Variants in KIF21A observed in about 807,000 individuals in gnomAD.
The protein encoded by KIF21A is kinesin-like protein KIF21A.
KIF21A carries 114 observed loss-of-function variants against 202.9 expected under a neutral mutation model. The ratio of observed to expected loss-of-function variants is 0.56; its 90% CI spans 0.48 to 0.66. The LOEUF (loss-of-function observed/expected upper bound fraction) is 0.66, where lower values mean the gene tolerates loss of function less well. KIF21A is among the 30% of genes least tolerant of loss of function. KIF21A has a pLI of 0.00. For synonymous variants in KIF21A, 667 were observed against 670.8 expected (o/e 0.99, Z 0.09); for missense variants, 1,677 against 1,994.9 (o/e 0.84, Z 3.04).
At chr12:39,368,509 A>G (rs925897240) in intron 3 of KIF21A, among the ~76,000 whole-genome samples, 4 of 152,184 alleles carry the variant, frequency 2.6e-5, no homozygotes, top group Admixed American at 6.5e-5. Context: ...TTCCTGTATC[A>G]ATAGTGGCTG....
intron 1 of KIF21A, among the ~76,000 whole-genome samples, chr12:39,440,714 A>G (rs1194254316): frequency 2.0e-5 from 3 of 152,260 alleles, no homozygotes; most frequent in African/African-American, 7.2e-5. Context: ...TTCAGAGAAC[A>G]ATGTATTTAA....
chr12:39,434,690 C>G (rs1458893627), intron 1 of KIF21A, among the ~76,000 whole-genome samples: 1 of 152,072 alleles, frequency 6.6e-6, no homozygotes, highest in Non-Finnish European at 1.5e-5. Flanking sequence ...ACACAATGAA[C>G]ACTCATTAAT....
At chr12:39,392,818 T>C (rs1951467024) in intron 1 of KIF21A, among the ~76,000 whole-genome samples, 2 of 146,798 alleles carry the variant, frequency 1.4e-5, no homozygotes, top group South Asian at 4.5e-4. Context: ...AAATATGTAC[T>C]ATTAATGAGC....
At chr12:39,370,381 C>T (rs1949872489) in intron 1 of KIF21A, 120 bp from the exon 2 acceptor site, 2 of 697,704 alleles carry the variant, frequency 2.9e-6, no homozygotes, top group Non-Finnish European at 5.0e-6. Flanking sequence ...TTACCTAATG[C>T]TTATTCAGTT....
rs1566266855 is a variant in KIF21A at position 39,416,691 on chromosome 12, A to ATATATATGTACATATATATGTG, written c.44+26214_44+26235dup. 9.5e-5 allele frequency among the ~76,000 whole-genome samples: 12 copies of ATATATATGTACATATATATGTG among 125,952 alleles called. 2 individuals are homozygous for ATATATATGTACATATATATGTG. Among genetic ancestry groups the ATATATATGTACATATATATGTG allele is most frequent in the African/African-American group, 4.0e-4 (12 of 30,378 alleles). 82.6% of individuals were successfully genotyped at this position (125,952 alleles called of 152,430 possible). On this transcript the variant is annotated intron_variant, in intron 1 of 37. Transcript: ENST00000361418. ...TATATGTACATATATATGTGTGTATATATATATGTACATATATATGTGTGT... is the reference window on the plus strand; with the variant it reads ...TATATGTACATATATATGTGTGTATATATATATGTACATATATATGTGTATATATGTACATATATATGTGTGT...
chr12:39,413,203 G>T (rs1953256693), intron 1 of KIF21A, among the ~76,000 whole-genome samples: 1 of 152,088 alleles, frequency 6.6e-6, no homozygotes, highest in African/African-American at 2.4e-5. Context: ...ACTTGAGAAG[G>T]TGCCATTAAG....
At chr12:39,411,354 T>G (rs979507654) in intron 1 of KIF21A, among the ~76,000 whole-genome samples, 4 of 152,154 alleles carry the variant, frequency 2.6e-5, no homozygotes, top group Admixed American at 1.3e-4. Context: ...ACCACAGACC[T>G]AATAAATTAA....
chr12:39,394,697 T>G (rs1951605346), intron 1 of KIF21A, among the ~76,000 whole-genome samples: 3 of 152,184 alleles, frequency 2.0e-5, no homozygotes, highest in Non-Finnish European at 1.5e-5. Context: ...CTACCACTTT[T>G]TGTCAGGTGA....
intron 24 of KIF21A, among the ~76,000 whole-genome samples, chr12:39,328,531 C>G (rs1333395158): frequency 6.6e-6 from 1 of 152,158 alleles, no homozygotes; most frequent in Non-Finnish European, 1.5e-5. Flanking sequence ...TAGCAAATCT[C>G]TGATGATAGT....
intron 1 of KIF21A, among the ~76,000 whole-genome samples, chr12:39,395,567 C>T (rs1389982262): frequency 4.6e-5 from 7 of 152,054 alleles, no homozygotes; most frequent in Non-Finnish European, 8.8e-5. Flanking sequence ...TTCAGCCGGG[C>T]GCAGTGGCTG....
intron 1 of KIF21A, among the ~76,000 whole-genome samples, chr12:39,416,042 T>C (rs1011436479): frequency 9.2e-5 from 14 of 152,162 alleles, no homozygotes; most frequent in Non-Finnish European, 1.6e-4. Context: ...GTACAAATTA[T>C]TGGAATAGTG....
chr12:39,334,272 A>C (rs946230355), intron 17 of KIF21A, among the ~76,000 whole-genome samples: 3 of 151,994 alleles, frequency 2.0e-5, no homozygotes, highest in Admixed American at 6.6e-5. Context: ...CTTAGGTCTT[A>C]ATTCCAGTTC....
chr12:39,326,427 T>C (rs1945921016), intron 24 of KIF21A, 103 bp from the exon 25 acceptor site: 6 of 762,698 alleles, frequency 7.9e-6, no homozygotes, highest in Non-Finnish European at 1.4e-5. Flanking sequence ...CATCTCAATA[T>C]GGGCACGATG....
intron 9 of KIF21A, 31 bp downstream of exon 9, chr12:39,357,217 A>T (rs1948841370): frequency 6.3e-7 from 1 of 1,594,814 alleles, no homozygotes. Flanking sequence ...CCAGAAGTTA[A>T]TCCCTCACTT....
chr12:39,312,836 A>C (rs947434882), intron 31 of KIF21A: 3 of 151,934 alleles, frequency 2.0e-5, no homozygotes, highest in Non-Finnish European at 4.4e-5. Context: ...AATTAAAATA[A>C]TGGTGTTGGG....
chr12:39,412,249 T>C (rs1555196193), intron 1 of KIF21A, among the ~76,000 whole-genome samples: 1 of 152,220 alleles, frequency 6.6e-6, no homozygotes, highest in Non-Finnish European at 1.5e-5. Flanking sequence ...TAGACACTTG[T>C]AAAATCCAAG....
rs1946617318 is a variant in KIF21A, at chr12:39,332,714, G to C, written c.2733C>G (p.Gly911=). The C allele has an allele frequency of 1.2e-6, 2 of 1,613,846 alleles. No individual in the cohort carries two copies. Among genetic ancestry groups the C allele is most frequent in the African/African-American group, 2.7e-5 (2 of 74,830 alleles). Residue 911 remains glycine (G), a synonymous_variant, in exon 20 of 38, where the codon GGC becomes GGG. Transcript: ENST00000361418. ...GAGCTGTCTTGGAAATAAACACTCG[G>C]CCAGTCAATCCTTTCCTCTGATATT... ...RKKYQRKGLT[G]RVFISKTARM...
At chr12:39,383,406 G>A (rs1950743206) in intron 1 of KIF21A, among the ~76,000 whole-genome samples, 1 of 152,192 alleles carries the variant, frequency 6.6e-6, no homozygotes, top group African/African-American at 2.4e-5. Flanking sequence ...AAAGGTTCCT[G>A]CTATATCAAC....
At chr12:39,412,553 C>T in intron 1 of KIF21A, among the ~76,000 whole-genome samples, 1 of 151,748 alleles carries the variant, frequency 6.6e-6, no homozygotes, top group East Asian at 1.9e-4. Flanking sequence ...CCTGTCTCTA[C>T]AAAAATACAA....
Sources: allele counts gnomAD v4.1 joint callset (sites outside exome capture counted in the v4.1 genomes callset), GRCh38; gene constraint gnomAD v4.1.1; transcripts MANE v1.5; gene names NCBI Gene and HGNC (gene_info 2026-07-23, HGNC 2026-07-21).